Variants in KSR2 observed in about 807,000 individuals in gnomAD.
KSR2 encodes the protein kinase suppressor of ras 2.
A neutral mutation model predicts 107.8 loss-of-function variants in KSR2; 25 were observed. The ratio of observed to expected loss-of-function variants is 0.23; its 90% confidence interval spans 0.17 to 0.32. KSR2 has a LOEUF of 0.32. Ranked by LOEUF, KSR2 falls within the 10% of genes least tolerant of loss-of-function variation. The pLI, the probability that KSR2 is intolerant of heterozygous loss-of-function variation, is 1.00. For synonymous variants in KSR2, 480 were observed against 507.0 expected (o/e 0.95, Z 0.71); for missense variants, 887 against 1,268.9 (o/e 0.70, Z 4.57).
intron 4 of KSR2, 54 bp from the exon 5 acceptor site, chr12:117,667,712 G>T (rs1884726498): frequency 2.8e-6 from 4 of 1,429,670 alleles, no homozygotes; most frequent in Non-Finnish European, 3.7e-6. Context: ...GGTGCACAAA[G>T]TTACAGCAGG....
intron 1 of KSR2, among the ~76,000 whole-genome samples, chr12:117,962,048 G>A (rs1470264429): frequency 6.6e-6 from 1 of 150,426 alleles, no homozygotes; most frequent in African/African-American, 2.4e-5. Flanking sequence ...AGGAGGCTGA[G>A]ACAGGAGGAT....
At chr12:117,467,858 A>C in intron 19 of KSR2, 1 of 446,598 alleles carries the variant, frequency 2.2e-6, no homozygotes. Context: ...TGAATGGAAG[A>C]GGGAATGAAT....
chr12:117,523,695 C>T (rs925055175), intron 14 of KSR2, among the ~76,000 whole-genome samples: 1 of 152,178 alleles, frequency 6.6e-6, no homozygotes, highest in Non-Finnish European at 1.5e-5. Flanking sequence ...TAACACTTAT[C>T]AGAATCTTGG....
intron 4 of KSR2, among the ~76,000 whole-genome samples, chr12:117,676,936 A>C (rs1205932938): frequency 6.6e-6 from 1 of 152,236 alleles, no homozygotes; most frequent in Non-Finnish European, 1.5e-5. Flanking sequence ...TAAATAAGTC[A>C]TAGTGTACAA....
intron 10 of KSR2, among the ~76,000 whole-genome samples, chr12:117,539,057 A>G (rs961704472): frequency 6.6e-6 from 1 of 152,248 alleles, no homozygotes; most frequent in African/African-American, 2.4e-5. Flanking sequence ...CTTCTCTACT[A>G]TCATCTCATA....
At chr12:117,769,991 T>C (rs963656791) in intron 3 of KSR2, among the ~76,000 whole-genome samples, 1 of 151,806 alleles carries the variant, frequency 6.6e-6, no homozygotes, top group African/African-American at 2.4e-5. Flanking sequence ...GAAGGTGAGG[T>C]TGCAGTGAGC....
intron 3 of KSR2, among the ~76,000 whole-genome samples, chr12:117,793,808 ACACACCAACATGCACACT>A (rs1476991907): frequency 5.7e-4 from 79 of 137,600 alleles, no homozygotes; most frequent in African/African-American, 1.8e-3. Context: ...TGCAACATGC[ACACACCAACATGCACACT>A]CACACCAACA....
chr12:117,600,610 G>A (rs923700060), intron 5 of KSR2, among the ~76,000 whole-genome samples: 1 of 152,168 alleles, frequency 6.6e-6, no homozygotes, highest in African/African-American at 2.4e-5. Context: ...CCTGATCTAT[G>A]CCTCTTACCT....
At chr12:117,932,705 G>A (rs1895727174) in intron 1 of KSR2, among the ~76,000 whole-genome samples, 1 of 152,188 alleles carries the variant, frequency 6.6e-6, no homozygotes, top group Non-Finnish European at 1.5e-5. Flanking sequence ...CTGGGTGACA[G>A]AGTGAGATCC....
chr12:117,635,592 T>C (rs1289899455), intron 5 of KSR2, among the ~76,000 whole-genome samples: 1 of 152,088 alleles, frequency 6.6e-6, no homozygotes, highest in African/African-American at 2.4e-5. Context: ...GATTAAGAAA[T>C]AAAGAACAGA....
At chr12:117,898,520 A>G (rs761889212) in intron 1 of KSR2, among the ~76,000 whole-genome samples, 4 of 151,888 alleles carry the variant, frequency 2.6e-5, no homozygotes, top group Admixed American at 6.6e-5. Flanking sequence ...GGGTTTCACC[A>G]TGTGGGCCAG....
chr12:117,864,895 T>C (rs1323510156), intron 1 of KSR2, among the ~76,000 whole-genome samples: 1 of 152,134 alleles, frequency 6.6e-6, no homozygotes, highest in African/African-American at 2.4e-5. Context: ...GATTAGGATT[T>C]CAACATTTGA....
chr12:117,968,476 T>C lies in KSR2; in HGVS notation c.-221A>G. ...TTTTATTTTGGGATATCAAGCGGACTCCATTAGAATGTCTCCTCTCTCTCT... is the reference window on the plus strand; with the variant it reads ...TTTTATTTTGGGATATCAAGCGGACCCCATTAGAATGTCTCCTCTCTCTCT... On this transcript the variant is annotated 5_prime_UTR_variant, in exon 1 of 20. Transcript: ENST00000339824. 1 of 1,306,208 alleles carries C rather than the reference T, an allele frequency of 7.7e-7. No individual in the cohort carries two copies. Among genetic ancestry groups the C allele is most frequent in the South Asian group, 2.7e-5 (1 of 37,284 alleles). The allele number at this position is 1,306,208 out of a possible 1,614,324, so 80.9% of individuals were successfully genotyped here.
intron 14 of KSR2, among the ~76,000 whole-genome samples, chr12:117,507,225 G>T (rs766419921): frequency 6.6e-6 from 1 of 152,180 alleles, no homozygotes; most frequent in African/African-American, 2.4e-5. Flanking sequence ...GAGGATCACA[G>T]AACCCAAGTG....
At chr12:117,832,556 G>A (rs534786063) in intron 3 of KSR2, among the ~76,000 whole-genome samples, 38 of 152,342 alleles carry the variant, frequency 2.5e-4, no homozygotes, top group African/African-American at 8.9e-4. Flanking sequence ...GAAGATGCAG[G>A]TATTGTTGCA....
At chr12:117,765,158 A>G (rs1889181628) in intron 3 of KSR2, among the ~76,000 whole-genome samples, 1 of 152,256 alleles carries the variant, frequency 6.6e-6, no homozygotes, top group Admixed American at 6.5e-5. Flanking sequence ...AAGTTTCTCC[A>G]TCGCATGGTA....
At chr12:117,718,829 G>A (rs1412643462) in intron 4 of KSR2, among the ~76,000 whole-genome samples, 8 of 152,184 alleles carry the variant, frequency 5.3e-5, no homozygotes, top group Non-Finnish European at 1.0e-4. Context: ...TTTCAGCTGC[G>A]TGTTGATCCC....
intron 14 of KSR2, among the ~76,000 whole-genome samples, chr12:117,523,196 A>G (rs1874876716): frequency 1.3e-5 from 2 of 152,216 alleles, no homozygotes; most frequent in African/African-American, 4.8e-5. Context: ...CCAAGTTCTC[A>G]TAAGTGGACT....
In KSR2 at chr12:117,825,096, G is replaced by A. The variant is rs542619888; in HGVS notation, c.472+30332C>T. On this transcript the variant is annotated intron_variant, in intron 3 of 19. Transcript: ENST00000339824. ...ACTCAGGAGACTGGACAGGAGAACC[G>A]CTTAAACCCCAGGAGGTGGAGGCTG... Among the ~76,000 whole-genome samples, 11 of 152,050 alleles carry A rather than the reference G, an allele frequency of 7.2e-5. No individual in the cohort carries two copies. The East Asian group carries it at 1.2e-3, about 16-fold the overall frequency.
Sources: allele counts gnomAD v4.1 joint callset (sites outside exome capture counted in the v4.1 genomes callset), GRCh38; gene constraint gnomAD v4.1.1; transcripts MANE v1.5; gene names NCBI Gene and HGNC (gene_info 2026-07-23, HGNC 2026-07-21).